The following BRINP3 variants were observed in gnomAD, a reference collection of about 807,000 sequenced individuals.
The protein encoded by BRINP3 is BMP/retinoic acid inducible neural specific 3.
Under a neutral mutation model 71.0 loss-of-function variants are expected in BRINP3, and 19 were observed. The ratio of observed to expected loss-of-function variants is 0.27; its 90% confidence interval spans 0.19 to 0.39. The LOEUF is 0.39. Ranked by LOEUF, BRINP3 falls within the 10% of genes least tolerant of loss-of-function variation. The pLI is 1.00. For missense variants in BRINP3, 959 were observed against 940.8 expected, an observed-to-expected ratio of 1.02 and a Z score of -0.25; for synonymous variants, 380 against 337.7, an observed-to-expected ratio of 1.13 and a Z score of -1.37.
chr1:190,260,736 G>A (rs947713014), intron 4 of BRINP3, among the ~76,000 whole-genome samples: 1 of 151,916 alleles, frequency 6.6e-6, no homozygotes, highest in Non-Finnish European at 1.5e-5. Context: ...TGTAAATTTA[G>A]AGTTAGCTCT....
intron 3 of BRINP3, among the ~76,000 whole-genome samples, chr1:190,268,987 T>C (rs1661881310): frequency 6.6e-6 from 1 of 152,058 alleles, no homozygotes. Flanking sequence ...ATGTCAGCAA[T>C]GAATTGTAAG....
chr1:190,373,953 C>T (rs1347127073), intron 2 of BRINP3, among the ~76,000 whole-genome samples: 1 of 150,744 alleles, frequency 6.6e-6, no homozygotes, highest in Non-Finnish European at 1.5e-5. Context: ...TAGCGTAGCC[C>T]AAGAAGCTAT....
intron 2 of BRINP3, among the ~76,000 whole-genome samples, chr1:190,286,032 T>A (rs1189787607): frequency 6.6e-6 from 1 of 152,170 alleles, no homozygotes; most frequent in Admixed American, 6.6e-5. Context: ...GCACAATCGT[T>A]AGTTTAATGT....
chr1:190,358,112 T>C (rs1023046310), intron 2 of BRINP3, among the ~76,000 whole-genome samples: 1 of 152,198 alleles, frequency 6.6e-6, no homozygotes, highest in African/African-American at 2.4e-5. Flanking sequence ...AAGGACTTCA[T>C]GTCTAAAACA....
chr1:190,449,520 T>G (rs1284044689), intron 2 of BRINP3, among the ~76,000 whole-genome samples: 1 of 152,094 alleles, frequency 6.6e-6, no homozygotes, highest in Non-Finnish European at 1.5e-5. Flanking sequence ...AACCTCATAC[T>G]GTCATGTAAT....
At chr1:190,401,675 T>C (rs1671939524) in intron 2 of BRINP3, among the ~76,000 whole-genome samples, 1 of 152,006 alleles carries the variant, frequency 6.6e-6, no homozygotes, top group East Asian at 1.9e-4. Context: ...TGAGAAGCAT[T>C]GATGTGAGCC....
chr1:190,293,309 C>T (rs1193340408), intron 2 of BRINP3, among the ~76,000 whole-genome samples: 1 of 151,560 alleles, frequency 6.6e-6, no homozygotes, highest in Non-Finnish European at 1.5e-5. Context: ...TTGTTTTATT[C>T]CCATGTATTT....
At chr1:190,450,252 C>T (rs1675518129) in intron 2 of BRINP3, among the ~76,000 whole-genome samples, 1 of 152,098 alleles carries the variant, frequency 6.6e-6, no homozygotes, top group Non-Finnish European at 1.5e-5. Flanking sequence ...GACACAGCTC[C>T]CTTCTGTATT....
At chr1:190,232,028 G>A (rs1298685357) in intron 5 of BRINP3, among the ~76,000 whole-genome samples, 1 of 151,866 alleles carries the variant, frequency 6.6e-6, no homozygotes, top group African/African-American at 2.4e-5. Context: ...TCTAAATTCA[G>A]AAGATTCCAA....
Position 190,098,188 on chromosome 1 carries a change from T to C in BRINP3, c.2131A>G (p.Asn711Asp). The change falls in exon 8 of 8, where the codon AAT (asparagine) becomes GAT (aspartate). Residue 711 changes from asparagine (N) to aspartate (D), a missense_variant. Physicochemically the swap from Asn to Asp is conservative, Grantham distance 23 (BLOSUM62 1). Transcript: ENST00000367462. ...LQLLEIRDRVNKLSPPGQRRL... is the reference protein window; with the variant it reads ...LQLLEIRDRVDKLSPPGQRRL... The stretch of plus-strand genomic sequence containing the variant: ...CGCTGACCAGGTGGGGAGAGTTTAT[T>C]TACACGGTCTCTGATCTCTAGTAGT... 6.2e-7 allele frequency: 1 copy of C among 1,614,140 alleles called. No homozygotes were observed. The highest frequency in any genetic ancestry group is 8.5e-7 in the Non-Finnish European group (1 of 1,180,032).
intron 2 of BRINP3, among the ~76,000 whole-genome samples, chr1:190,338,523 A>G (rs886958708): frequency 1.3e-5 from 2 of 152,068 alleles, no homozygotes; most frequent in African/African-American, 4.8e-5. Flanking sequence ...ATATGTGCAT[A>G]TATTTTATTA....
At chr1:190,301,196 TACAC>T (rs1558160520) in intron 2 of BRINP3, among the ~76,000 whole-genome samples, 3 of 36,706 alleles carry the variant, frequency 8.2e-5, no homozygotes, top group African/African-American at 1.9e-4. Context: ...TGTATATATA[TACAC>T]ATACATATAT....
chr1:190,320,073 A>G (rs554747188), intron 2 of BRINP3, among the ~76,000 whole-genome samples: 2 of 152,084 alleles, frequency 1.3e-5, no homozygotes, highest in South Asian at 2.1e-4. Context: ...GGTTCTTGGT[A>G]ACTTTGACTT....
At chr1:190,155,357 T>TA (rs1226635057) in intron 7 of BRINP3, among the ~76,000 whole-genome samples, 8 of 152,268 alleles carry the variant, frequency 5.3e-5, no homozygotes, top group African/African-American at 1.7e-4. Flanking sequence ...TGTGTACTTC[T>TA]ATTCACAACT....
chr1:190,460,718 T>C lies in BRINP3; in HGVS notation c.-50-5778A>G, dbSNP rs577132848. On this transcript the variant is annotated intron_variant, in intron 1 of 7. Transcript: ENST00000367462. ...CATTTCTGTTAGAACATGATACCTC[T>C]GTCAAGGAAAACTAAACGTTCTCCA... is the stretch of plus-strand genomic sequence containing the variant. Among the ~76,000 whole-genome samples the C allele has an allele frequency of 2.6e-5, 4 of 152,322 alleles. No individual in the cohort carries two copies. In the East Asian group the frequency reaches 7.7e-4, roughly 29 times the overall value.
At chr1:190,295,289 G>T (rs1558154206) in intron 2 of BRINP3, among the ~76,000 whole-genome samples, 1 of 152,234 alleles carries the variant, frequency 6.6e-6, no homozygotes, top group Admixed American at 6.5e-5. Context: ...TCTGTCCTTT[G>T]TTGTTTTAAG....
rs112730704 is a variant in BRINP3, at chr1:190,212,394, T to C, written c.961+13688A>G. On this transcript the variant is annotated intron_variant, in intron 6 of 7. Coordinates refer to ENST00000367462, the MANE Select transcript of BRINP3 (RefSeq NM_199051.3). Reference sequence around the variant, plus strand: ...TATTTAGTTTGGAAAAAATGATACATACCCTGGATTGAATGCCTCAAAGGT... The same window carrying C: ...TATTTAGTTTGGAAAAAATGATACACACCCTGGATTGAATGCCTCAAAGGT... Among the ~76,000 whole-genome samples, 481 of 152,228 alleles carry C rather than the reference T, an allele frequency of 3.2e-3. 5 individuals are homozygous for C. Among genetic ancestry groups the C allele is most frequent in the African/African-American group, 0.011 (454 of 41,578 alleles).
At chr1:190,314,347 A>T (rs1282065054) in intron 2 of BRINP3, among the ~76,000 whole-genome samples, 1 of 152,110 alleles carries the variant, frequency 6.6e-6, no homozygotes, top group African/African-American at 2.4e-5. Context: ...ACTCCTTAGA[A>T]TCCATGAATG....
In BRINP3 at chr1:190,317,136, C is replaced by T. The variant is rs144936546; in HGVS notation, c.237-35386G>A. Among the ~76,000 whole-genome samples the T allele has an allele frequency of 2.3e-3, 329 of 144,022 alleles. 3 individuals are homozygous for T. Among genetic ancestry groups the T allele is most frequent in the African/African-American group, 7.7e-3 (300 of 38,766 alleles). 94.5% of individuals were successfully genotyped at this position (144,022 alleles called of 152,430 possible). A position where few individuals can be genotyped will look rare whatever the true frequency, so the allele number is the denominator to read the frequency against. Reference sequence around the variant, plus strand: ...TCAATGAGCCGAGATTGGGCCACTGCGCTCCAGAGTGGGTGGCTGAGCGAG... The same window carrying T: ...TCAATGAGCCGAGATTGGGCCACTGTGCTCCAGAGTGGGTGGCTGAGCGAG... On this transcript the variant is annotated intron_variant, in intron 2 of 7. Transcript: ENST00000367462.
Sources: gnomAD v4.1 joint callset for allele counts (sites outside exome capture counted in the v4.1 genomes callset) on GRCh38, gnomAD v4.1.1 for gene constraint, MANE v1.5 for transcripts, NCBI Gene and HGNC (gene_info 2026-07-23, HGNC 2026-07-21) for gene names.